The following E2F3 variants were observed in gnomAD, a reference collection of about 807,000 sequenced individuals.
E2F3 encodes E2F transcription factor 3, also known as transcription factor E2F3.
A neutral mutation model predicts 44.4 loss-of-function variants in E2F3; 11 were observed. The ratio of observed to expected loss-of-function variants is 0.25; its 90% CI spans 0.16 to 0.41. The LOEUF is 0.41. Ranked by LOEUF, E2F3 falls within the 10% of genes least tolerant of loss-of-function variation. The pLI is 1.00. For synonymous variants in E2F3, 249 were observed against 253.0 expected, an observed-to-expected ratio of 0.98 and a Z score of 0.15; for missense variants, 487 against 583.6, an observed-to-expected ratio of 0.83 and a Z score of 1.70.
chr6:20,445,666 C>T (rs1484560390), intron 1 of E2F3, among the ~76,000 whole-genome samples: 1 of 152,106 alleles, frequency 6.6e-6, no homozygotes, highest in East Asian at 1.9e-4. Flanking sequence ...TACAGTAAGT[C>T]TTCACTCCAT....
intron 1 of E2F3, among the ~76,000 whole-genome samples, chr6:20,413,853 G>A (rs1425171690): frequency 6.6e-6 from 1 of 152,204 alleles, no homozygotes; most frequent in East Asian, 1.9e-4. Flanking sequence ...GGTGTGAAAA[G>A]GCAGGTGGAA....
chr6:20,454,736 A>G (rs1761252935), intron 1 of E2F3, among the ~76,000 whole-genome samples: 1 of 152,204 alleles, frequency 6.6e-6, no homozygotes, highest in African/African-American at 2.4e-5. Context: ...TTTAAAATTA[A>G]TTTGATACCA....
intron 1 of E2F3, among the ~76,000 whole-genome samples, chr6:20,465,559 C>T (rs1163176310): frequency 2.0e-5 from 3 of 152,118 alleles, no homozygotes; most frequent in African/African-American, 7.2e-5. Flanking sequence ...TTGGTGCACT[C>T]ATCACTCGAG....
At chr6:20,476,800 C>T (rs1335555183) in intron 1 of E2F3, among the ~76,000 whole-genome samples, 3 of 152,196 alleles carry the variant, frequency 2.0e-5, no homozygotes, top group Non-Finnish European at 2.9e-5. Flanking sequence ...AAACAGGGAG[C>T]TTCTGCCTGA....
chr6:20,403,778 C>T (rs1433567016), intron 1 of E2F3: 8 of 1,495,842 alleles, frequency 5.3e-6, no homozygotes, highest in South Asian at 2.5e-5. Context: ...CTCCAGCCGG[C>T]CCCCCACCTC....
chr6:20,462,307 G>C (rs1761537557), intron 1 of E2F3, among the ~76,000 whole-genome samples: 1 of 152,106 alleles, frequency 6.6e-6, no homozygotes, highest in African/African-American at 2.4e-5. Context: ...CCGATACACA[G>C]TTTATTAAAT....
chr6:20,441,210 A>G (rs1760761924), intron 1 of E2F3, among the ~76,000 whole-genome samples: 3 of 152,168 alleles, frequency 2.0e-5, no homozygotes, highest in South Asian at 2.1e-4. Flanking sequence ...TTCTGTCTGT[A>G]TGAACTTGAC....
chr6:20,419,898 T>C (rs976540043), intron 1 of E2F3, among the ~76,000 whole-genome samples: 25 of 137,312 alleles, frequency 1.8e-4, no homozygotes, highest in Non-Finnish European at 1.6e-5. Flanking sequence ...CAGAGTCTCA[T>C]TCTGTTGCCC....
At chr6:20,403,641 C>G (rs999163227) in intron 1 of E2F3, 22 of 513,448 alleles carry the variant, frequency 4.3e-5, no homozygotes, top group Non-Finnish European at 1.0e-5. Context: ...GGCTCCCTGG[C>G]CTGGGACGGT....
At chr6:20,428,316 C>T (rs1300062833) in intron 1 of E2F3, among the ~76,000 whole-genome samples, 4 of 152,064 alleles carry the variant, frequency 2.6e-5, no homozygotes, top group South Asian at 2.1e-4. Context: ...CTCTGCTTCC[C>T]GGATTCAAGC....
chr6:20,416,508 A>G (rs1759850761), intron 1 of E2F3, among the ~76,000 whole-genome samples: 1 of 152,090 alleles, frequency 6.6e-6, no homozygotes, highest in Non-Finnish European at 1.5e-5. Context: ...TTTTTCTTTT[A>G]TTTTTTAAAT....
intron 1 of E2F3, among the ~76,000 whole-genome samples, chr6:20,467,063 TA>T (rs1435934833): frequency 3.3e-5 from 5 of 152,134 alleles, no homozygotes; most frequent in Non-Finnish European, 5.9e-5. Flanking sequence ...TCTTCCCCCC[TA>T]CCCTTCATCA....
chr6:20,479,992 T>C, intron 2 of E2F3, 35 bp downstream of exon 2: 4 of 1,564,376 alleles, frequency 2.6e-6, no homozygotes, highest in East Asian at 4.7e-5. Flanking sequence ...TTATTCTCCT[T>C]GGTATGGCAT....
rs1162139859 is a variant in E2F3 at position 20,402,252 on chromosome 6, C to A, written c.20C>A (p.Pro7His). 4 of 1,598,008 alleles carry A rather than the reference C, an allele frequency of 2.5e-6. No homozygotes were observed. The South Asian group carries it at 3.4e-5, about 13-fold the overall frequency. ...CGAGAGATGAGAAAGGGAATCCAGC[C>A]CGCTCTGGAGCAGTACCTGGTGACC... MRKGIQ[P>H]ALEQYLVTAG... Residue 7 changes from proline (P) to histidine (H), a missense_variant, in exon 1 of 7, where the codon CCC (proline) becomes CAC (histidine). Around this residue, in one of 3 missense-constraint regions of E2F3, gnomAD observed 238 missense variants for 236.0 expected, o/e 1.01. Coordinates refer to ENST00000346618, the MANE Select transcript of E2F3 (RefSeq NM_001949.5). This position sits in a 1 kb window ranked among gnomAD's most constrained non-coding sequence, Gnocchi z 5.6.
At chr6:20,430,713 T>G (rs1368526587) in intron 1 of E2F3, among the ~76,000 whole-genome samples, 1 of 152,126 alleles carries the variant, frequency 6.6e-6, no homozygotes, top group East Asian at 1.9e-4. Context: ...TCATAAGCAG[T>G]AGGATTCACT....
Position 20,402,868 on chromosome 6 carries a change from A to G in E2F3, c.393+243A>G, listed in dbSNP as rs1759354306. ...GATTGCCTTGGCGCGAACCACATCA[A>G]ACACTCCAAAACTTTTCGCGGCCCC... On this transcript the variant is annotated intron_variant, in intron 1 of 6. Coordinates refer to ENST00000346618, the MANE Select transcript of E2F3 (RefSeq NM_001949.5). The surrounding 1 kb of genome is among the most constrained non-coding windows in gnomAD (Gnocchi z 5.6). Among the ~76,000 whole-genome samples the G allele has an allele frequency of 6.6e-6, 1 of 151,976 alleles. No homozygotes were observed. The highest frequency in any genetic ancestry group is 2.4e-5 in the African/African-American group (1 of 41,352).
chr6:20,432,803 G>T (rs1227332238), intron 1 of E2F3, among the ~76,000 whole-genome samples: 6 of 152,140 alleles, frequency 3.9e-5, no homozygotes, highest in African/African-American at 1.2e-4. Context: ...TATGGCCAGG[G>T]TGTGTTAAAT....
At chr6:20,485,696 T>C (rs1180505705) in intron 4 of E2F3, among the ~76,000 whole-genome samples, 2 of 152,228 alleles carry the variant, frequency 1.3e-5, no homozygotes, top group Admixed American at 6.5e-5. Flanking sequence ...GCTTTCTTCC[T>C]CATGAACACT....
chr6:20,470,286 T>C (rs560085580), intron 1 of E2F3, among the ~76,000 whole-genome samples: 66 of 152,352 alleles, frequency 4.3e-4, no homozygotes, highest in African/African-American at 1.5e-3. Flanking sequence ...TTTCCCATTG[T>C]TTGCTTGCCT....
Sources: gnomAD v4.1 joint callset for allele counts (sites outside exome capture counted in the v4.1 genomes callset) on GRCh38, gnomAD v4.1.1 for gene constraint, gnomAD v4.1.1 regional missense constraint, Gnocchi (gnomAD v3.1) non-coding constraint, MANE v1.5 for transcripts, NCBI Gene and HGNC (gene_info 2026-07-23, HGNC 2026-07-21) for gene names.